Variants in CCDC33 observed in about 807,000 individuals in gnomAD.
The protein encoded by CCDC33 is coiled-coil domain-containing protein 33.
CCDC33 carries 94 observed loss-of-function variants against 91.9 expected under a neutral mutation model. The observed-to-expected ratio is 1.02, with a 90% confidence interval of 0.87 to 1.21. The LOEUF (loss-of-function observed/expected upper bound fraction) is 1.21. Among genes scored for constraint, CCDC33 ranks in the 50% most tolerant of loss-of-function variants. The pLI is 0.00. For missense variants in CCDC33, 940 were observed against 935.5 expected, an observed-to-expected ratio of 1.00 and a Z score of -0.06; for synonymous variants, 396 against 374.5, an observed-to-expected ratio of 1.06 and a Z score of -0.66.
chr15:74,258,172 A>G (rs2075923166), intron 2 of CCDC33, among the ~76,000 whole-genome samples: 1 of 152,088 alleles, frequency 6.6e-6, no homozygotes, highest in African/African-American at 2.4e-5. Flanking sequence ...CCATCCATCC[A>G]CTTAAAGGTC....
intron 1 of CCDC33, among the ~76,000 whole-genome samples, chr15:74,240,236 C>T (rs992744521): frequency 2.6e-5 from 4 of 152,204 alleles, no homozygotes; most frequent in Non-Finnish European, 4.4e-5. Context: ...AGGCTGTCCC[C>T]GAGGGGAGGT....
intron 1 of CCDC33, among the ~76,000 whole-genome samples, chr15:74,239,337 C>T (rs1487895430): frequency 1.3e-5 from 2 of 152,106 alleles, no homozygotes; most frequent in African/African-American, 4.8e-5. Flanking sequence ...AATTCAAGGA[C>T]CATTAACTCC....
At chr15:74,247,347 G>GA (rs1267387081) in intron 2 of CCDC33, among the ~76,000 whole-genome samples, 2 of 125,430 alleles carry the variant, frequency 1.6e-5, no homozygotes, top group African/African-American at 2.9e-5. Flanking sequence ...AATGGATAAA[G>GA]AAAAAATGTC....
intron 2 of CCDC33, among the ~76,000 whole-genome samples, chr15:74,253,435 C>T (rs1357630006): frequency 1.3e-5 from 2 of 152,196 alleles, no homozygotes; most frequent in African/African-American, 4.8e-5. Context: ...TAGGCTCCTC[C>T]TACCCCTGTG....
intron 2 of CCDC33, among the ~76,000 whole-genome samples, chr15:74,247,521 G>A (rs189942050): frequency 3.9e-5 from 6 of 152,230 alleles, no homozygotes; most frequent in East Asian, 1.9e-4. Flanking sequence ...ATAAAAGGGA[G>A]GACATTCTGC....
At chr15:74,268,548 T>A in intron 5 of CCDC33, 90 bp downstream of exon 5, 4 of 953,692 alleles carry the variant, frequency 4.2e-6, no homozygotes, top group South Asian at 1.3e-5. Flanking sequence ...TAGCCCCCTC[T>A]GGCTGACCTG....
chr15:74,268,495 G>GGCCCC, intron 5 of CCDC33, 37 bp downstream of exon 5: 1 of 1,412,836 alleles, frequency 7.1e-7, no homozygotes, highest in East Asian at 2.4e-5. Context: ...GGTGGTGGGG[G>GGCCCC]TGGGAAAGGG....
Position 74,271,764 on chromosome 15 carries a change from C to T in CCDC33, c.608C>T (p.Ala203Val). The change falls in exon 6 of 19, where the codon GCC (alanine) becomes GTC (valine). Residue 203 changes from alanine to valine, a missense_variant. Transcript: ENST00000398814. The stretch of plus-strand genomic sequence containing the variant: ...AACCCCAACCCCATAGTGGTGATTG[C>T]CCGGGTCGTTCCCAACTACAAGGAA... Reference protein sequence around the residue: ...ANNPNPIVVIARVVPNYKEFK... With the variant: ...ANNPNPIVVIVRVVPNYKEFK... 1 of 1,613,880 alleles carries T rather than the reference C, an allele frequency of 6.2e-7. No homozygotes were observed. The highest frequency in any genetic ancestry group is 8.5e-7 in the Non-Finnish European group (1 of 1,179,846).
chr15:74,230,785 C>T (rs961924380), intron 2 of CCDC33, among the ~76,000 whole-genome samples: 2 of 152,192 alleles, frequency 1.3e-5, no homozygotes, highest in African/African-American at 2.4e-5. Context: ...ATCCTCGCCA[C>T]CACCCTGCAC....
In CCDC33 at chr15:74,280,072, A is replaced by T. The variant is rs756989407; in HGVS notation, c.869A>T (p.Glu290Val). Residue 290 changes from glutamate to valine, a missense_variant, in exon 8 of 19, where the codon GAG becomes GTG. Transcript: ENST00000398814. ...TCAGAAGACACAGCCCTGGTGCTGG[A>T]GTACTACTCCTCAACTTCAAGTACG... is the stretch of plus-strand genomic sequence containing the variant. ...SFSEDTALVL[E>V]YYSSTSMKGS... 6.2e-7 allele frequency: 1 copy of T among 1,614,076 alleles called. No individual in the cohort carries two copies. Among genetic ancestry groups the T allele is most frequent in the East Asian group, 2.2e-5 (1 of 44,860 alleles).
intron 11 of CCDC33, among the ~76,000 whole-genome samples, chr15:74,305,398 A>G (rs1343164676): frequency 6.6e-6 from 1 of 152,186 alleles, no homozygotes; most frequent in Admixed American, 6.5e-5. Context: ...ACTGGGCACT[A>G]CAGATATTAG....
chr15:74,230,142 G>A (rs1231478020), intron 2 of CCDC33, among the ~76,000 whole-genome samples: 1 of 152,232 alleles, frequency 6.6e-6, no homozygotes, highest in Non-Finnish European at 1.5e-5. Context: ...AGGGCCTGGG[G>A]TGAGCAGACC....
In CCDC33 at chr15:74,330,710, C is replaced by T; in HGVS notation, c.1504C>T (p.Leu502=). The T allele has an allele frequency of 6.2e-7, 1 of 1,613,634 alleles. No homozygotes were observed. Among genetic ancestry groups the T allele is most frequent in the Non-Finnish European group, 8.5e-7 (1 of 1,179,976 alleles). Residue 502 remains leucine, a synonymous_variant, in exon 13 of 19, where the codon CTG becomes TTG. Coordinates refer to ENST00000398814, the MANE Select transcript of CCDC33 (RefSeq NM_025055.5). The part of the protein sequence containing the change: ...LLLSELDMKK[L]RDRVQHLQNE... The stretch of plus-strand genomic sequence containing the variant: ...GCTGAGTGAGCTGGATATGAAGAAA[C>T]TGAGGGACAGGGTGCAGCATTTGCA...
chr15:74,292,448 C>A (rs2059602511), intron 10 of CCDC33, among the ~76,000 whole-genome samples: 2 of 152,154 alleles, frequency 1.3e-5, no homozygotes, highest in African/African-American at 2.4e-5. Flanking sequence ...GCAATGCTGA[C>A]CCTAAAGAAG....
intron 11 of CCDC33, among the ~76,000 whole-genome samples, chr15:74,318,142 G>C (rs2060130707): frequency 1.3e-5 from 2 of 151,170 alleles, no homozygotes; most frequent in South Asian, 4.2e-4. Flanking sequence ...GAGAGACTAA[G>C]GGGGAGGGGG....
chr15:74,313,657 T>A (rs886652667), intron 11 of CCDC33, among the ~76,000 whole-genome samples: 1 of 151,954 alleles, frequency 6.6e-6, no homozygotes, highest in Non-Finnish European at 1.5e-5. Flanking sequence ...TGACCTCAGG[T>A]GATTAGCCCA....
intron 7 of CCDC33, among the ~76,000 whole-genome samples, chr15:74,279,161 A>G (rs947092948): frequency 3.3e-5 from 5 of 152,246 alleles, no homozygotes; most frequent in Non-Finnish European, 7.3e-5. Context: ...AGTTGTACTA[A>G]GGAAGTAATT....
chr15:74,326,613 G>A (rs1208576965), intron 11 of CCDC33, among the ~76,000 whole-genome samples: 3 of 152,262 alleles, frequency 2.0e-5, no homozygotes, highest in Non-Finnish European at 4.4e-5. Flanking sequence ...ACCTGGGCAG[G>A]ATCTGATAGC....
intron 5 of CCDC33, among the ~76,000 whole-genome samples, chr15:74,270,979 C>G (rs1334801873): frequency 6.6e-6 from 1 of 152,058 alleles, no homozygotes; most frequent in Non-Finnish European, 1.5e-5. Context: ...CAACCAAGGG[C>G]GGTCAGGGGA....
Sources: gnomAD v4.1 joint callset for allele counts (sites outside exome capture counted in the v4.1 genomes callset) on GRCh38, gnomAD v4.1.1 for gene constraint, MANE v1.5 for transcripts, NCBI Gene and HGNC (gene_info 2026-07-23, HGNC 2026-07-21) for gene names.